CNOT10: variants seen among roughly 807,000 people sequenced by gnomAD.
CNOT10 encodes the protein CCR4-NOT transcription complex subunit 10, also known as CCR4-NOT transcription complex, subunit 10.
Under a neutral mutation model 94.6 loss-of-function variants are expected in CNOT10, and 30 were observed. That is an observed-to-expected ratio of 0.32 (90% CI 0.24 to 0.43). The LOEUF is 0.43. CNOT10 is among the 20% of genes least tolerant of loss of function. The pLI is 1.00. For missense variants in CNOT10, 759 were observed against 877.2 expected (o/e 0.87, Z 1.70); for synonymous variants, 289 against 301.6 (o/e 0.96, Z 0.43).
At chr3:32,756,861 C>A (rs1160318471) in intron 13 of CNOT10, among the ~76,000 whole-genome samples, 2 of 152,090 alleles carry the variant, frequency 1.3e-5, no homozygotes, top group Non-Finnish European at 2.9e-5. Context: ...ATAATCCCAG[C>A]ACTTTGGGAG....
At chr3:32,718,523 G>T (rs1205698318) in intron 7 of CNOT10, among the ~76,000 whole-genome samples, 2 of 139,942 alleles carry the variant, frequency 1.4e-5, no homozygotes, top group African/African-American at 5.3e-5. Flanking sequence ...GGCGGATCTT[G>T]CTGTGAGCCG....
At chr3:32,732,316 G>A (rs1698995949) in intron 10 of CNOT10, among the ~76,000 whole-genome samples, 1 of 151,974 alleles carries the variant, frequency 6.6e-6, no homozygotes, top group African/African-American at 2.4e-5. Flanking sequence ...CTGGAACTCA[G>A]GAGGTGAAGG....
intron 13 of CNOT10, among the ~76,000 whole-genome samples, chr3:32,754,215 C>T (rs887467506): frequency 6.6e-6 from 1 of 151,636 alleles, no homozygotes; most frequent in Non-Finnish European, 1.5e-5. Flanking sequence ...CAGTGGCTCA[C>T]GCCTGTAATC....
intron 8 of CNOT10, among the ~76,000 whole-genome samples, chr3:32,722,924 C>G (rs553162353): frequency 6.6e-6 from 1 of 152,222 alleles, no homozygotes; most frequent in Admixed American, 6.5e-5. Flanking sequence ...CGAGCTCAGT[C>G]TAGTTTTCCT....
At chr3:32,699,997 A>G (rs1281623401) in intron 1 of CNOT10, among the ~76,000 whole-genome samples, 15 of 134,290 alleles carry the variant, frequency 1.1e-4, no homozygotes, top group Admixed American at 9.5e-4. Context: ...TTTTTTTGAG[A>G]TGAAGTCTTG....
chr3:32,707,491 A>G (rs551333656), intron 3 of CNOT10, among the ~76,000 whole-genome samples: 2 of 152,170 alleles, frequency 1.3e-5, no homozygotes, highest in Non-Finnish European at 2.9e-5. Flanking sequence ...TTCCTTATGT[A>G]TAAAGTGGAA....
At chr3:32,693,155 A>G (rs1251868813) in intron 1 of CNOT10, among the ~76,000 whole-genome samples, 1 of 152,212 alleles carries the variant, frequency 6.6e-6, no homozygotes, top group Non-Finnish European at 1.5e-5. Flanking sequence ...AGTTTTCAGA[A>G]CAAGGAGTTG....
At chr3:32,721,082 CAG>C (rs1423301646) in intron 8 of CNOT10, among the ~76,000 whole-genome samples, 3 of 70,632 alleles carry the variant, frequency 4.2e-5, no homozygotes, top group African/African-American at 8.6e-5. Context: ...TTTTTTTTGA[CAG>C]AGTCTTGCTC....
chr3:32,712,683 G>GA (rs1236001162), intron 4 of CNOT10, among the ~76,000 whole-genome samples: 2 of 151,942 alleles, frequency 1.3e-5, no homozygotes, highest in Non-Finnish European at 2.9e-5. Flanking sequence ...CTGTTTCTAT[G>GA]AAAAAATTAG....
At chr3:32,744,406 A>G (rs1432680824) in intron 13 of CNOT10, among the ~76,000 whole-genome samples, 1 of 152,172 alleles carries the variant, frequency 6.6e-6, no homozygotes, top group Non-Finnish European at 1.5e-5. Context: ...AATTATCATG[A>G]CTTTTCCAAT....
At chr3:32,741,700 C>G (rs559941135) in intron 13 of CNOT10, among the ~76,000 whole-genome samples, 7 of 149,194 alleles carry the variant, frequency 4.7e-5, no homozygotes, top group Non-Finnish European at 8.9e-5. Context: ...ACCCAGGAGG[C>G]AGAGGTTGTG....
Position 32,735,957 on chromosome 3 carries a change from A to G in CNOT10, c.1514+981A>G, listed in dbSNP as rs564103348. 4.8e-4 allele frequency among the ~76,000 whole-genome samples: 73 copies of G among 152,278 alleles called. 1 individual carries two copies. The South Asian group carries it at 9.3e-3, about 19-fold the overall frequency. On this transcript the variant is annotated intron_variant, in intron 12 of 18. Transcript: ENST00000328834. ...CTCTTCAAAAAAATTAAAAATAAGT[A>G]AATAAAAATTATGTGACTATAGAAA...
chr3:32,755,543 T>G (rs901521364), intron 13 of CNOT10, among the ~76,000 whole-genome samples: 1 of 151,928 alleles, frequency 6.6e-6, no homozygotes, highest in Non-Finnish European at 1.5e-5. Context: ...GCTGTGAGGC[T>G]ACTTTGTAAA....
chr3:32,739,440 T>C (rs995996694), intron 13 of CNOT10, among the ~76,000 whole-genome samples: 1 of 152,234 alleles, frequency 6.6e-6, no homozygotes, highest in African/African-American at 2.4e-5. Context: ...GGTCCTTTTC[T>C]ACACAGTTCC....
At chr3:32,717,405 T>TA (rs1309889355) in intron 7 of CNOT10, among the ~76,000 whole-genome samples, 168 bp downstream of exon 7, 5 of 149,640 alleles carry the variant, frequency 3.3e-5, no homozygotes, top group African/African-American at 1.2e-4. Context: ...ATAGTTTAAT[T>TA]TTTTTTTTTT....
chr3:32,703,849 A>C lies in CNOT10; in HGVS notation c.23-19A>C, dbSNP rs1444186613. ...ACAACTTTTATTTCTAAAGAACTGTAAAATTTGTGTGTTTGCAGATCAGGG... is the reference window on the plus strand; with the variant it reads ...ACAACTTTTATTTCTAAAGAACTGTCAAATTTGTGTGTTTGCAGATCAGGG... On this transcript the variant is annotated intron_variant, in intron 1 of 18. Transcript: ENST00000328834. 1 of 1,582,458 alleles carries C rather than the reference A, an allele frequency of 6.3e-7. No individual in the cohort carries two copies. Among genetic ancestry groups the C allele is most frequent in the Non-Finnish European group, 8.7e-7 (1 of 1,152,468 alleles).
intron 1 of CNOT10, chr3:32,693,609 A>T (rs1374644906): frequency 6.7e-6 from 1 of 148,488 alleles, no homozygotes; most frequent in South Asian, 2.1e-4. Flanking sequence ...TGGCATGAAC[A>T]CTGCTCACTG....
intron 18 of CNOT10, 97 bp downstream of exon 18, chr3:32,770,059 G>T (rs1700831068): frequency 3.3e-6 from 3 of 900,040 alleles, no homozygotes; most frequent in African/African-American, 3.3e-5. Context: ...AGGCTGGAGT[G>T]CAGTGGTACC....
chr3:32,737,322 A>G, intron 12 of CNOT10, 88 bp from the exon 13 acceptor site: 2 of 829,624 alleles, frequency 2.4e-6, no homozygotes, highest in Non-Finnish European at 3.9e-6. Flanking sequence ...TCAAAAAAAA[A>G]GTTGGGAGTA....
Sources: allele counts gnomAD v4.1 joint callset (sites outside exome capture counted in the v4.1 genomes callset), GRCh38; gene constraint gnomAD v4.1.1; transcripts MANE v1.5; gene names NCBI Gene and HGNC (gene_info 2026-07-23, HGNC 2026-07-21).